Variants in PAWR observed in about 807,000 individuals in gnomAD.
The protein encoded by PAWR is PRKC apoptosis WT1 regulator protein.
A neutral mutation model predicts 32.0 loss-of-function variants in PAWR; 23 were observed. That is an observed-to-expected ratio of 0.72 (90% CI 0.52 to 1.02). The LOEUF (loss-of-function observed/expected upper bound fraction) is 1.02. PAWR is among the 50% of genes least tolerant of loss of function. The probability of loss-of-function intolerance (pLI) is 0.00; values close to 1 mark genes in which losing one functional copy is unlikely to be tolerated. For missense variants in PAWR, 457 were observed against 437.7 expected (o/e 1.04, Z -0.39); for synonymous variants, 226 against 187.1 (o/e 1.21, Z -1.70).
intron 2 of PAWR, among the ~76,000 whole-genome samples, chr12:79,640,451 T>C (rs1476191830): frequency 2.6e-5 from 4 of 152,144 alleles, no homozygotes; most frequent in Non-Finnish European, 5.9e-5. Flanking sequence ...TGATTAGTAT[T>C]TTGAATAGGC....
intron 2 of PAWR, among the ~76,000 whole-genome samples, chr12:79,660,536 C>T (rs1312856647): frequency 6.6e-6 from 1 of 151,820 alleles, no homozygotes; most frequent in African/African-American, 2.4e-5. Flanking sequence ...CCCTAAACTC[C>T]AGACGTGATA....
At chr12:79,628,952 G>C (rs2136737289) in intron 2 of PAWR, among the ~76,000 whole-genome samples, 1 of 152,044 alleles carries the variant, frequency 6.6e-6, no homozygotes, top group African/African-American at 2.4e-5. Flanking sequence ...ACTGTGATAA[G>C]TTAAAGATGT....
At chr12:79,614,827 CAG>C (rs1874647492) in intron 3 of PAWR, among the ~76,000 whole-genome samples, 2 of 152,084 alleles carry the variant, frequency 1.3e-5, no homozygotes, top group African/African-American at 4.8e-5. Flanking sequence ...TGTGGGGAAC[CAG>C]TACAGCAAAC....
intron 2 of PAWR, among the ~76,000 whole-genome samples, chr12:79,623,686 T>G (rs570839711): frequency 1.9e-4 from 29 of 152,228 alleles, no homozygotes; most frequent in African/African-American, 7.0e-4. Flanking sequence ...TCTAGTATTG[T>G]GAAGGTGTCA....
At chr12:79,610,362 A>C (rs1460222415) in intron 4 of PAWR, among the ~76,000 whole-genome samples, 1 of 152,210 alleles carries the variant, frequency 6.6e-6, no homozygotes, top group African/African-American at 2.4e-5. Context: ...CTAATGTACC[A>C]ATTAGGACCA....
rs1278904559 is a variant in PAWR, at chr12:79,590,300, C to G, written c.*2307G>C. On this transcript the variant is annotated 3_prime_UTR_variant, in exon 7 of 7. Coordinates refer to ENST00000328827, the MANE Select transcript of PAWR (RefSeq NM_002583.4). Reference sequence around the variant, plus strand: ...CCGCAACCTCTGTCTCCTGGGTTTTCAAGCGATTCTCCTGCCTCAGCCTCC... The same window carrying G: ...CCGCAACCTCTGTCTCCTGGGTTTTGAAGCGATTCTCCTGCCTCAGCCTCC... 1 of 149,008 alleles carries G rather than the reference C, an allele frequency of 6.7e-6. No individual in the cohort carries two copies. The highest frequency in any genetic ancestry group is 1.5e-5 in the Non-Finnish European group (1 of 67,800). The allele number at this position is 149,008 out of a possible 1,614,324, so 9.2% of individuals were successfully genotyped here. A position where few individuals can be genotyped will look rare whatever the true frequency, so the allele number is the denominator to read the frequency against.
intron 2 of PAWR, among the ~76,000 whole-genome samples, chr12:79,632,951 T>C (rs930835385): frequency 3.9e-5 from 6 of 151,990 alleles, no homozygotes; most frequent in African/African-American, 1.4e-4. Flanking sequence ...CTGGCCAACA[T>C]GGTGAAACCC....
At chr12:79,611,063 A>G (rs994416337) in intron 4 of PAWR, among the ~76,000 whole-genome samples, 1 of 149,712 alleles carries the variant, frequency 6.7e-6, no homozygotes, top group African/African-American at 2.4e-5. Flanking sequence ...CATAATTTAT[A>G]AGAGCATACA....
intron 2 of PAWR, among the ~76,000 whole-genome samples, chr12:79,662,297 T>C (rs1205039671): frequency 1.3e-5 from 2 of 152,076 alleles, no homozygotes; most frequent in African/African-American, 2.4e-5. Context: ...AGTTCACATT[T>C]GAAAAAACAG....
At chr12:79,677,964 C>T (rs1162560087) in intron 2 of PAWR, among the ~76,000 whole-genome samples, 1 of 152,070 alleles carries the variant, frequency 6.6e-6, no homozygotes, top group Non-Finnish European at 1.5e-5. Context: ...CTGGAGTTCC[C>T]CACCTCCACT....
chr12:79,592,880 TACA>T (rs552334830), intron 6 of PAWR, among the ~76,000 whole-genome samples, 187 bp from the exon 7 acceptor site: 131 of 152,340 alleles, frequency 8.6e-4, no homozygotes, highest in Middle Eastern at 3.4e-3. Context: ...TCTTCGTTCT[TACA>T]ACAAGTGTAT....
At chr12:79,607,728 C>CA (rs566552836) in intron 4 of PAWR, among the ~76,000 whole-genome samples, 74 of 127,094 alleles carry the variant, frequency 5.8e-4, no homozygotes, top group Non-Finnish European at 9.7e-4. Flanking sequence ...GACCTTGTCT[C>CA]AAAAAAAAAA....
chr12:79,612,527 T>G (rs574273236), intron 4 of PAWR, among the ~76,000 whole-genome samples: 1 of 152,310 alleles, frequency 6.6e-6, no homozygotes, highest in African/African-American at 2.4e-5. Flanking sequence ...AGAGTCAGGC[T>G]GCCAGAGTTC....
At chr12:79,657,514 C>A (rs146864459) in intron 2 of PAWR, among the ~76,000 whole-genome samples, 2 of 151,846 alleles carry the variant, frequency 1.3e-5, no homozygotes, top group Non-Finnish European at 2.9e-5. Context: ...TGAAGAAGGG[C>A]CGCGCGGTGG....
At chr12:79,647,116 A>C (rs1876611795) in intron 2 of PAWR, among the ~76,000 whole-genome samples, 1 of 151,154 alleles carries the variant, frequency 6.6e-6, no homozygotes, top group African/African-American at 2.4e-5. Flanking sequence ...CAGAGGTTGC[A>C]GTGAGCCAAG....
intron 2 of PAWR, among the ~76,000 whole-genome samples, chr12:79,689,281 A>C (rs577609163): frequency 4.6e-5 from 7 of 152,376 alleles, no homozygotes; most frequent in African/African-American, 1.4e-4. Context: ...TTTTCTTTAC[A>C]GATGTTATTA....
chr12:79,619,393 T>A (rs1874894054), intron 3 of PAWR, among the ~76,000 whole-genome samples: 1 of 152,176 alleles, frequency 6.6e-6, no homozygotes. Context: ...TGTAAAGTGC[T>A]TGCTTTAAGT....
intron 6 of PAWR, among the ~76,000 whole-genome samples, chr12:79,592,912 C>A (rs1351566700): frequency 6.6e-6 from 1 of 152,152 alleles, no homozygotes; most frequent in Non-Finnish European, 1.5e-5. Context: ...TCTTACAGAT[C>A]TTTCAGTTTT....
chr12:79,661,210 T>C lies in PAWR; in HGVS notation c.516+28519A>G, dbSNP rs550610792. 2.2e-3 allele frequency among the ~76,000 whole-genome samples: 329 copies of C among 149,154 alleles called. 1 individual carries two copies. The highest frequency in any genetic ancestry group is 4.4e-3 in the African/African-American group (176 of 40,032). ...GTTGCAGTGAGCTACGATAGCGCCA[T>C]TGCACTCCAGCCTGGGCGAAGAAGC... On this transcript the variant is annotated intron_variant, in intron 2 of 6. Coordinates refer to ENST00000328827, the MANE Select transcript of PAWR (RefSeq NM_002583.4).
Sources: allele counts gnomAD v4.1 joint callset (sites outside exome capture counted in the v4.1 genomes callset), GRCh38; gene constraint gnomAD v4.1.1; transcripts MANE v1.5; gene names NCBI Gene and HGNC (gene_info 2026-07-23, HGNC 2026-07-21).